SUPT3H: variants seen among roughly 807,000 people sequenced by gnomAD.
SUPT3H encodes the protein SPT3 homolog, SAGA and STAGA complex component.
SUPT3H carries 44 observed loss-of-function variants against 44.3 expected under a neutral mutation model. The ratio of observed to expected loss-of-function variants is 0.99; its 90% confidence interval spans 0.78 to 1.28. The LOEUF is 1.28. Ranked by LOEUF, SUPT3H falls within the 50% of genes most tolerant of loss-of-function variation. The pLI is 0.00. For missense variants in SUPT3H, 380 were observed against 387.1 expected, an observed-to-expected ratio of 0.98 and a Z score of 0.15; for synonymous variants, 124 against 125.6, an observed-to-expected ratio of 0.99 and a Z score of 0.09.
intron 5 of SUPT3H, among the ~76,000 whole-genome samples, chr6:45,009,878 A>G (rs1783232062): frequency 6.6e-6 from 1 of 152,144 alleles, no homozygotes; most frequent in South Asian, 2.1e-4. Flanking sequence ...TGATTGGTAG[A>G]ATCAGTGTAT....
intron 9 of SUPT3H, among the ~76,000 whole-genome samples, chr6:44,949,335 C>A (rs964840424): frequency 6.6e-6 from 1 of 151,686 alleles, no homozygotes; most frequent in African/African-American, 2.4e-5. Flanking sequence ...CACATGTATA[C>A]ATATGTAACA....
In SUPT3H at chr6:45,268,645, C is replaced by T. The variant is rs545811196; in HGVS notation, c.101+96556G>A. Reference sequence around the variant, plus strand: ...AACTACAGCAGAGGCACACAGAAAACAAAAACCATAACTATTCAACAAAAC... The same window carrying T: ...AACTACAGCAGAGGCACACAGAAAATAAAAACCATAACTATTCAACAAAAC... On this transcript the variant is annotated intron_variant, in intron 2 of 10. Coordinates refer to ENST00000371459, the MANE Select transcript of SUPT3H (RefSeq NM_003599.4). Among the ~76,000 whole-genome samples, 5 of 151,788 alleles carry T rather than the reference C, an allele frequency of 3.3e-5. No homozygotes were observed. In the East Asian group the frequency reaches 9.7e-4, roughly 29 times the overall value.
intron 6 of SUPT3H, among the ~76,000 whole-genome samples, chr6:44,970,161 C>T (rs373588891): frequency 7.2e-4 from 109 of 151,852 alleles, no homozygotes; most frequent in African/African-American, 2.6e-3. Flanking sequence ...CAAGAGTGGG[C>T]ATTAATTGGT....
chr6:45,216,577 C>T (rs533042796), intron 2 of SUPT3H, among the ~76,000 whole-genome samples: 257 of 152,224 alleles, frequency 1.7e-3, no homozygotes, highest in Non-Finnish European at 2.8e-3. Flanking sequence ...GCTGTAAAGA[C>T]ACACATAGAC....
At chr6:45,015,528 T>C (rs944590663) in intron 4 of SUPT3H, among the ~76,000 whole-genome samples, 3 of 152,058 alleles carry the variant, frequency 2.0e-5, no homozygotes, top group Non-Finnish European at 2.9e-5. Context: ...AAAAAAGCTG[T>C]ACACTTAGGC....
chr6:45,195,657 TTAG>T (rs1413485633), intron 2 of SUPT3H, among the ~76,000 whole-genome samples: 10 of 152,174 alleles, frequency 6.6e-5, no homozygotes, highest in African/African-American at 2.4e-4. Flanking sequence ...TGTTTTTGAC[TTAG>T]TAGTTTCAAT....
chr6:45,365,360 A>C, intron 1 of SUPT3H, 59 bp from the exon 2 acceptor site: 1 of 1,143,320 alleles, frequency 8.7e-7, no homozygotes, highest in Admixed American at 2.2e-5. Context: ...TAAATGCAAA[A>C]AAAAAAGAAA....
At chr6:45,312,552 T>G (rs1033701640) in intron 2 of SUPT3H, among the ~76,000 whole-genome samples, 1 of 147,198 alleles carries the variant, frequency 6.8e-6, no homozygotes, top group Non-Finnish European at 1.5e-5. Flanking sequence ...CATTATATAA[T>G]GATAAAAGGC....
At chr6:44,968,464 G>A (rs887872032) in intron 6 of SUPT3H, among the ~76,000 whole-genome samples, 12 of 152,110 alleles carry the variant, frequency 7.9e-5, no homozygotes, top group Non-Finnish European at 1.3e-4. Flanking sequence ...TTACTGGGAT[G>A]GTTGCAGAGG....
At chr6:44,976,609 C>T (rs542235176) in intron 6 of SUPT3H, among the ~76,000 whole-genome samples, 14 of 152,200 alleles carry the variant, frequency 9.2e-5, no homozygotes, top group African/African-American at 2.2e-4. Flanking sequence ...GTGATCTGCC[C>T]GCTTCAGCCT....
chr6:44,883,159 C>G (rs1459098926), intron 10 of SUPT3H, among the ~76,000 whole-genome samples: 1 of 152,172 alleles, frequency 6.6e-6, no homozygotes, highest in African/African-American at 2.4e-5. Context: ...CCCAAAATCT[C>G]CTTAAGCTGA....
intron 2 of SUPT3H, among the ~76,000 whole-genome samples, chr6:45,235,250 A>G (rs1388058616): frequency 6.6e-6 from 1 of 152,188 alleles, no homozygotes; most frequent in Non-Finnish European, 1.5e-5. Flanking sequence ...AAATAGCCCC[A>G]CCTTATAAAC....
At chr6:45,009,517 T>C (rs1476318272) in intron 5 of SUPT3H, among the ~76,000 whole-genome samples, 3 of 152,174 alleles carry the variant, frequency 2.0e-5, no homozygotes, top group Admixed American at 6.6e-5. Context: ...GCCCAAATTC[T>C]TTCTCTTGGA....
At chr6:45,253,942 T>C (rs1043002515) in intron 2 of SUPT3H, among the ~76,000 whole-genome samples, 1 of 147,422 alleles carries the variant, frequency 6.8e-6, no homozygotes, top group African/African-American at 2.5e-5. Context: ...CATACATATA[T>C]ACACACGTAC....
chr6:45,007,751 TGC>T (rs1782922544), intron 5 of SUPT3H, among the ~76,000 whole-genome samples: 1 of 150,012 alleles, frequency 6.7e-6, no homozygotes, highest in African/African-American at 2.4e-5. Context: ...TTTTTTTTTT[TGC>T]TGCTTGATGG....
chr6:45,127,208 G>A (rs886957500), intron 2 of SUPT3H, among the ~76,000 whole-genome samples: 17 of 152,164 alleles, frequency 1.1e-4, no homozygotes, highest in Admixed American at 1.0e-3. Context: ...TAGCTACTCA[G>A]GAGGCTGAGG....
intron 3 of SUPT3H, among the ~76,000 whole-genome samples, chr6:45,025,395 T>C (rs961329756): frequency 1.3e-5 from 2 of 152,216 alleles, no homozygotes; most frequent in East Asian, 1.9e-4. Context: ...CCAGAACCAT[T>C]GACCCTGAAC....
At position 45,128,525 on chromosome 6, in the gene SUPT3H, AAAAAAAAAAT is replaced by A. The variant is rs1176105525; in HGVS notation, c.102-22529_102-22520del. ...TCTCAAAAAAAAAAAAAAAAAAAAA[AAAAAAAAAAT>A]ATATATATATATATATATATATACA... On this transcript the variant is annotated intron_variant, in intron 2 of 10. Coordinates refer to ENST00000371459, the MANE Select transcript of SUPT3H (RefSeq NM_003599.4). Among the ~76,000 whole-genome samples the A allele has an allele frequency of 3.7e-3, 250 of 66,790 alleles. 3 individuals carry two copies. Among genetic ancestry groups the A allele is most frequent in the African/African-American group, 0.014 (231 of 16,816 alleles). The allele number at this position is 66,790 out of a possible 152,430, so 43.8% of individuals were successfully genotyped here.
rs137913491 is a variant in SUPT3H, at chr6:44,995,752, T to C, written c.504+7901A>G. Among the ~76,000 whole-genome samples the C allele has an allele frequency of 1.7e-4, 26 of 151,910 alleles. No homozygotes were observed. In the East Asian group the frequency reaches 5.0e-3, roughly 29 times the overall value. The stretch of plus-strand genomic sequence containing the variant: ...CCACTTACAAAGTAAATACTTCTGA[T>C]GGGAAAAATAAAATAAAATGAAAAG... On this transcript the variant is annotated intron_variant, in intron 6 of 10. Transcript: ENST00000371459.
Sources: allele counts gnomAD v4.1 joint callset (sites outside exome capture counted in the v4.1 genomes callset), GRCh38; gene constraint gnomAD v4.1.1; transcripts MANE v1.5; gene names NCBI Gene and HGNC (gene_info 2026-07-23, HGNC 2026-07-21).